SDK1: variants seen among roughly 807,000 people sequenced by gnomAD.
The protein encoded by SDK1 is sidekick cell adhesion molecule 1.
SDK1 carries 157 observed loss-of-function variants against 245.5 expected under a neutral mutation model. That is an observed-to-expected ratio of 0.64 (90% CI 0.56 to 0.73). The LOEUF is 0.73. Ranked by LOEUF, SDK1 falls within the 30% of genes least tolerant of loss-of-function variation. The pLI is 0.00. For missense variants in SDK1, 3,583 were observed against 3,002.3 expected (o/e 1.19, Z -4.52); for synonymous variants, 1,647 against 1,278.5 (o/e 1.29, Z -6.15).
At chr7:3,867,917 TATC>T (rs1780861352) in intron 5 of SDK1, among the ~76,000 whole-genome samples, 1 of 152,160 alleles carries the variant, frequency 6.6e-6, no homozygotes, top group African/African-American at 2.4e-5. Context: ...AAGAAATAAA[TATC>T]ATTTCTGGCA....
At chr7:3,808,067 A>T (rs1409395520) in intron 4 of SDK1, among the ~76,000 whole-genome samples, 1 of 152,170 alleles carries the variant, frequency 6.6e-6, no homozygotes, top group Non-Finnish European at 1.5e-5. Flanking sequence ...ACTCCCATGC[A>T]GTCATCTCTG....
At chr7:4,136,866 G>A (rs569480443) in intron 28 of SDK1, among the ~76,000 whole-genome samples, 3 of 152,240 alleles carry the variant, frequency 2.0e-5, no homozygotes, top group African/African-American at 4.8e-5. Context: ...CAGATTCAGC[G>A]TTTTGATCCC....
intron 4 of SDK1, chr7:3,643,903 T>A (rs1051252301): frequency 6.7e-6 from 1 of 149,106 alleles, no homozygotes; most frequent in Admixed American, 6.7e-5. Context: ...ATAATACTTA[T>A]AATTAATAAT....
chr7:3,451,957 C>T (rs1329628853), intron 1 of SDK1, among the ~76,000 whole-genome samples: 3 of 152,156 alleles, frequency 2.0e-5, no homozygotes, highest in African/African-American at 4.8e-5. Flanking sequence ...TGAGCTCTGA[C>T]TCCAATATTG....
Position 3,814,829 on chromosome 7 carries a change from A to G in SDK1, c.714-6621A>G, listed in dbSNP as rs1442090117. Among the ~76,000 whole-genome samples the G allele has an allele frequency of 2.1e-4, 32 of 151,082 alleles. No homozygotes were observed. In the East Asian group the frequency reaches 6.4e-3, roughly 30 times the overall value. On this transcript the variant is annotated intron_variant, in intron 4 of 44. Coordinates refer to ENST00000404826, the MANE Select transcript of SDK1 (RefSeq NM_152744.4). ...AGTTCTCCTTGAAGAGGTCCTTCACATCCCTTGTAAGGTGGATTCCTAGGT... is the reference window on the plus strand; with the variant it reads ...AGTTCTCCTTGAAGAGGTCCTTCACGTCCCTTGTAAGGTGGATTCCTAGGT...
chr7:3,833,942 C>T (rs762092347), intron 5 of SDK1, among the ~76,000 whole-genome samples: 5 of 152,178 alleles, frequency 3.3e-5, no homozygotes, highest in Non-Finnish European at 7.3e-5. Context: ...GTTGCCCCCA[C>T]TGGCCTCCAT....
rs1040581709 is a variant in SDK1 at position 4,265,462 on chromosome 7, A to G, written c.*78A>G. ...ATTTTTGTTAAGACAATCAACTCCAATAACTGAGCTGAAGTTTTTGTTTAA... is the reference window on the plus strand; with the variant it reads ...ATTTTTGTTAAGACAATCAACTCCAGTAACTGAGCTGAAGTTTTTGTTTAA... On this transcript the variant is annotated 3_prime_UTR_variant, in exon 45 of 45. Coordinates refer to ENST00000404826, the MANE Select transcript of SDK1 (RefSeq NM_152744.4). The G allele has an allele frequency of 7.2e-6, 10 of 1,383,544 alleles. No homozygotes were observed. In the African/African-American group the frequency reaches 1.5e-4, roughly 21 times the overall value. The allele number at this position is 1,383,544 out of a possible 1,614,324, so 85.7% of individuals were successfully genotyped here.
intron 8 of SDK1, among the ~76,000 whole-genome samples, chr7:3,961,792 G>C (rs919925608): frequency 1.9e-4 from 29 of 152,126 alleles, no homozygotes; most frequent in African/African-American, 6.8e-4. Context: ...GCACTCACCA[G>C]GTGCCGGGCA....
chr7:3,333,302 G>A (rs535642779), intron 1 of SDK1, among the ~76,000 whole-genome samples: 8 of 152,284 alleles, frequency 5.3e-5, no homozygotes, highest in Admixed American at 6.5e-5. Context: ...ACATTCTAGG[G>A]AGGTCACTGG....
intron 14 of SDK1, 27 bp downstream of exon 14, chr7:3,987,349 A>G (rs752871493): frequency 3.7e-6 from 6 of 1,610,932 alleles, no homozygotes; most frequent in Admixed American, 3.3e-5. Context: ...AACTGTCACC[A>G]TGGACGATAA....
At chr7:3,825,160 G>A (rs770634909) in intron 5 of SDK1, among the ~76,000 whole-genome samples, 1 of 152,172 alleles carries the variant, frequency 6.6e-6, no homozygotes, top group East Asian at 1.9e-4. Flanking sequence ...GTTTGGGCCT[G>A]CCTGAGAGTA....
chr7:4,104,666 C>T (rs557361887), intron 22 of SDK1, among the ~76,000 whole-genome samples: 3 of 152,180 alleles, frequency 2.0e-5, no homozygotes, highest in Non-Finnish European at 4.4e-5. Flanking sequence ...CTTTGACACA[C>T]ACTATATATT....
intron 35 of SDK1, among the ~76,000 whole-genome samples, chr7:4,199,490 G>A (rs769799564): frequency 3.3e-5 from 5 of 152,206 alleles, no homozygotes; most frequent in Non-Finnish European, 5.9e-5. Flanking sequence ...CAGTATTGAA[G>A]TTTCAGAGCT....
chr7:4,029,838 A>G (rs1289465868), intron 17 of SDK1, among the ~76,000 whole-genome samples: 1 of 152,212 alleles, frequency 6.6e-6, no homozygotes, highest in Non-Finnish European at 1.5e-5. Flanking sequence ...CAGAATCAGA[A>G]ATCAAAAATA....
intron 1 of SDK1, among the ~76,000 whole-genome samples, chr7:3,335,685 A>C (rs1044214418): frequency 1.3e-5 from 2 of 152,234 alleles, no homozygotes; most frequent in Non-Finnish European, 2.9e-5. Flanking sequence ...GAGGAAAGTA[A>C]GCACTAGAAC....
intron 27 of SDK1, among the ~76,000 whole-genome samples, chr7:4,131,524 C>T (rs556502396): frequency 1.3e-5 from 2 of 152,330 alleles, no homozygotes; most frequent in East Asian, 3.9e-4. Flanking sequence ...CCCAGAACGA[C>T]GAACATACAT....
At chr7:3,516,742 G>A (rs1583985448) in intron 1 of SDK1, among the ~76,000 whole-genome samples, 1 of 152,126 alleles carries the variant, frequency 6.6e-6, no homozygotes, top group South Asian at 2.1e-4. Context: ...GAACTCTATT[G>A]TTTGACAACA....
intron 19 of SDK1, among the ~76,000 whole-genome samples, chr7:4,055,986 G>A (rs927989932): frequency 6.6e-6 from 1 of 152,124 alleles, no homozygotes; most frequent in African/African-American, 2.4e-5. Flanking sequence ...TATGATCAGA[G>A]AACACACTTC....
intron 25 of SDK1, among the ~76,000 whole-genome samples, chr7:4,122,222 A>T (rs1231986123): frequency 1.3e-5 from 2 of 152,174 alleles, no homozygotes; most frequent in African/African-American, 4.8e-5. Context: ...AGGCCCTCCC[A>T]GGTGCAGCAG....
Sources: gnomAD v4.1 joint callset for allele counts (sites outside exome capture counted in the v4.1 genomes callset) on GRCh38, gnomAD v4.1.1 for gene constraint, MANE v1.5 for transcripts, NCBI Gene and HGNC (gene_info 2026-07-23, HGNC 2026-07-21) for gene names.